BAZ2B: variants seen among roughly 807,000 people sequenced by gnomAD.
BAZ2B encodes bromodomain adjacent to zinc finger domain protein 2B.
Under a neutral mutation model 246.0 loss-of-function variants are expected in BAZ2B, and 91 were observed. The observed-to-expected ratio is 0.37, with a 90% CI of 0.31 to 0.44. The LOEUF (loss-of-function observed/expected upper bound fraction) is 0.44, where lower values mean the gene tolerates loss of function less well. BAZ2B is among the 20% of genes least tolerant of loss of function. The pLI is 1.00. For missense variants in BAZ2B, 2,332 were observed against 2,533.7 expected (o/e 0.92, Z 1.71); for synonymous variants, 855 against 860.0 (o/e 0.99, Z 0.10).
chr2:159,597,588 G>A lies in BAZ2B; in HGVS notation c.-46+18654C>T, dbSNP rs191420924. On this transcript the variant is annotated intron_variant, in intron 1 of 36. Coordinates refer to ENST00000392783, the MANE Select transcript of BAZ2B (RefSeq NM_013450.4). The stretch of plus-strand genomic sequence containing the variant: ...GTTGCCCAGGCTGGAGTGCAGTGAC[G>A]CGATGTCAGCTCACTGCGACCTTCG... 2.6e-5 allele frequency among the ~76,000 whole-genome samples: 4 copies of A among 152,168 alleles called. No homozygotes were observed. The South Asian group carries it at 6.2e-4, about 24-fold the overall frequency.
chr2:159,555,913 A>G (rs1285824146), intron 1 of BAZ2B, 48 bp from the exon 2 acceptor site: 1 of 152,212 alleles, frequency 6.6e-6, no homozygotes, highest in African/African-American at 2.4e-5. Context: ...CATACTTAAG[A>G]AATTTCAGAA....
chr2:159,316,174 A>C (rs1478979098), downstream of BAZ2B, among the ~76,000 whole-genome samples: 2 of 152,210 alleles, frequency 1.3e-5, no homozygotes, highest in African/African-American at 4.8e-5. Context: ...AAAACAAAAA[A>C]AGTAACACAG....
At chr2:159,551,909 A>G (rs1235105072) in intron 2 of BAZ2B, among the ~76,000 whole-genome samples, 2 of 152,208 alleles carry the variant, frequency 1.3e-5, no homozygotes, top group Non-Finnish European at 2.9e-5. Flanking sequence ...TGTTTATTTA[A>G]TATTCCAGAC....
At chr2:159,566,994 A>G (rs1464227494) in intron 1 of BAZ2B, among the ~76,000 whole-genome samples, 2 of 152,094 alleles carry the variant, frequency 1.3e-5, no homozygotes, top group African/African-American at 2.4e-5. Context: ...CTATAATCCC[A>G]GCACTTTGGG....
chr2:159,406,621 G>A lies in BAZ2B; in HGVS notation c.2678-1507C>T, dbSNP rs369402816. ...TTGTATTATACATTGTTTAAATTTTGTAGCCACTGAACAAAGAAACCTAAA... is the reference window on the plus strand; with the variant it reads ...TTGTATTATACATTGTTTAAATTTTATAGCCACTGAACAAAGAAACCTAAA... On this transcript the variant is annotated intron_variant, in intron 14 of 36. Transcript: ENST00000392783. 2.8e-3 allele frequency among the ~76,000 whole-genome samples: 420 copies of A among 152,164 alleles called. 3 individuals carry two copies. Among genetic ancestry groups the A allele is most frequent in the African/African-American group, 9.4e-3 (389 of 41,508 alleles).
At chr2:159,382,411 AT>A in intron 25 of BAZ2B, 147 bp downstream of exon 25, 1 of 838,580 alleles carries the variant, frequency 1.2e-6, no homozygotes, top group Non-Finnish European at 1.8e-6. Context: ...TGGGATACAG[AT>A]TGTAATATTT....
the BAZ2B span, among the ~76,000 whole-genome samples, chr2:159,642,218 TC>T: frequency 6.6e-6 from 1 of 151,136 alleles, no homozygotes; most frequent in Non-Finnish European, 1.5e-5. Flanking sequence ...TTTTCTATTT[TC>T]TTTTTCCTTT....
intron 1 of BAZ2B, among the ~76,000 whole-genome samples, chr2:159,601,120 GA>G (rs1186916232): frequency 6.6e-6 from 1 of 151,976 alleles, no homozygotes; most frequent in East Asian, 1.9e-4. Context: ...AAAGTTCTAG[GA>G]AAAAATATAT....
rs890993306 is a variant in BAZ2B, at chr2:159,321,298, T to C, written c.6354-880A>G. ...ACTAAAATAATGTAACCATTAAAAATATCTCATGAGTGTAAATTAGTACAA... is the reference window on the plus strand; with the variant it reads ...ACTAAAATAATGTAACCATTAAAAACATCTCATGAGTGTAAATTAGTACAA... On this transcript the variant is annotated intron_variant, in intron 36 of 36. Coordinates refer to ENST00000392783, the MANE Select transcript of BAZ2B (RefSeq NM_013450.4). Among the ~76,000 whole-genome samples the C allele has an allele frequency of 3.3e-5, 5 of 152,272 alleles. No individual in the cohort carries two copies. In the Middle Eastern group the frequency reaches 0.01, roughly 311 times the overall value.
At chr2:159,673,673 TA>T in the BAZ2B span, among the ~76,000 whole-genome samples, 6,369 of 145,424 alleles carry the variant, frequency 0.044, 423 homozygotes, top group African/African-American at 0.14. Context: ...TATGTAGCTG[TA>T]AAAAAAAAAA....
intron 33 of BAZ2B, among the ~76,000 whole-genome samples, chr2:159,335,062 C>T (rs2065396251): frequency 6.6e-6 from 1 of 152,028 alleles, no homozygotes; most frequent in Non-Finnish European, 1.5e-5. Flanking sequence ...CAGCATGCAC[C>T]ACCATAACTG....
chr2:159,477,027 T>G (rs973388257), intron 3 of BAZ2B, among the ~76,000 whole-genome samples: 45 of 152,132 alleles, frequency 3.0e-4, no homozygotes, highest in Admixed American at 2.8e-3. Context: ...ATAGTGCGGC[T>G]GGGCGCGGTG....
At chr2:159,659,209 T>C in the BAZ2B span, among the ~76,000 whole-genome samples, 2 of 152,188 alleles carry the variant, frequency 1.3e-5, no homozygotes. Context: ...AAGTTGCCTG[T>C]TTCAACATTA....
chr2:159,418,263 T>A (rs2068112582), intron 13 of BAZ2B, among the ~76,000 whole-genome samples: 1 of 152,362 alleles, frequency 6.6e-6, no homozygotes, highest in African/African-American at 2.4e-5. Flanking sequence ...ATATTTTCTG[T>A]ATTCAGAAAT....
intron 19 of BAZ2B, 38 bp downstream of exon 19, chr2:159,397,307 T>C: frequency 7.0e-7 from 1 of 1,432,578 alleles, no homozygotes; most frequent in Non-Finnish European, 9.6e-7. Flanking sequence ...TATTATAAAA[T>C]GTACATTCAA....
chr2:159,408,656 C>T (rs774828316), intron 14 of BAZ2B, among the ~76,000 whole-genome samples: 19 of 152,192 alleles, frequency 1.2e-4, no homozygotes, highest in Admixed American at 3.9e-4. Flanking sequence ...CAGCAGCTCA[C>T]GTCTGTAATC....
At chr2:159,444,142 G>C (rs2073899826) in intron 6 of BAZ2B, 1 of 152,090 alleles carries the variant, frequency 6.6e-6, no homozygotes, top group African/African-American at 2.4e-5. Context: ...GTAGCTCAGA[G>C]ATAGGACCTT....
intron 4 of BAZ2B, among the ~76,000 whole-genome samples, chr2:159,449,357 T>C (rs934346202): frequency 6.6e-6 from 1 of 152,126 alleles, no homozygotes; most frequent in Non-Finnish European, 1.5e-5. Flanking sequence ...CCAAAAGATA[T>C]GGGGTATTTT....
At chr2:159,695,254 A>C in the BAZ2B span, 2 of 152,138 alleles carry the variant, frequency 1.3e-5, no homozygotes, top group Admixed American at 6.6e-5. Context: ...TTCTGGATAC[A>C]GGTGCCTTGT....
Sources: allele counts gnomAD v4.1 joint callset (sites outside exome capture counted in the v4.1 genomes callset), GRCh38; gene constraint gnomAD v4.1.1; transcripts MANE v1.5; gene names NCBI Gene and HGNC (gene_info 2026-07-23, HGNC 2026-07-21).